The following EPS8 variants were observed in gnomAD, a reference collection of about 807,000 sequenced individuals.
The protein encoded by EPS8 is epidermal growth factor receptor kinase substrate 8.
In EPS8, 42 loss-of-function variants were observed where a neutral mutation model predicts 103.8. That is an observed-to-expected ratio of 0.40 (90% CI 0.32 to 0.52). The LOEUF (loss-of-function observed/expected upper bound fraction) is 0.52. Ranked by LOEUF, EPS8 falls within the 20% of genes least tolerant of loss-of-function variation. EPS8 has a pLI of 0.40. For synonymous variants in EPS8, 344 were observed against 344.6 expected, an observed-to-expected ratio of 1.00 and a Z score of 0.02; for missense variants, 969 against 1,005.1, an observed-to-expected ratio of 0.96 and a Z score of 0.49.
chr12:15,683,115 C>G, intron 1 of EPS8, 143 bp from the exon 2 acceptor site: 1 of 511,690 alleles, frequency 2.0e-6, no homozygotes, highest in Non-Finnish European at 3.4e-6. Flanking sequence ...CCTCAAAGAG[C>G]TCAGGCCCCA....
At chr12:15,677,270 G>A (rs1945924424) in intron 3 of EPS8, among the ~76,000 whole-genome samples, 1 of 152,082 alleles carries the variant, frequency 6.6e-6, no homozygotes, top group African/African-American at 2.4e-5. Context: ...TATAAATGAG[G>A]AAACTGGGGC....
intron 1 of EPS8, among the ~76,000 whole-genome samples, chr12:15,689,806 G>A (rs1012298139): frequency 6.6e-6 from 1 of 152,076 alleles, no homozygotes; most frequent in South Asian, 2.1e-4. Context: ...TCACTTATAC[G>A]CAGACTCTAA....
chr12:15,726,565 C>CA (rs761924127), intron 1 of EPS8, among the ~76,000 whole-genome samples: 30 of 151,896 alleles, frequency 2.0e-4, no homozygotes, highest in East Asian at 1.2e-3. Flanking sequence ...GTGGTGACAG[C>CA]AAAAAATGAA....
In EPS8 at chr12:15,706,239, G is replaced by A. The variant is rs1946385119; in HGVS notation, c.-21-23267C>T. On this transcript the variant is annotated intron_variant, in intron 1 of 20. Coordinates refer to ENST00000281172, the MANE Select transcript of EPS8 (RefSeq NM_004447.6). This position sits in a 1 kb window ranked among gnomAD's most constrained non-coding sequence, Gnocchi z 5.2. ...CGGCCTGTGCACTGGGGTGGAGCCT[G>A]AGCAAGTTTGCACCTTTGCAGAGGG... Among the ~76,000 whole-genome samples, 1 of 152,188 alleles carries A rather than the reference G, an allele frequency of 6.6e-6. No homozygotes were observed. The highest frequency in any genetic ancestry group is 1.5e-5 in the Non-Finnish European group (1 of 68,034).
At chr12:15,739,860 T>C (rs1033725772) in intron 1 of EPS8, among the ~76,000 whole-genome samples, 2 of 152,186 alleles carry the variant, frequency 1.3e-5, no homozygotes, top group African/African-American at 4.8e-5. Context: ...AGGCTACTAG[T>C]AAACAAAGCT....
At chr12:15,641,975 A>G (rs1945239294) in intron 15 of EPS8, 145 bp from the exon 16 acceptor site, 1 of 428,756 alleles carries the variant, frequency 2.3e-6, no homozygotes, top group Admixed American at 4.3e-5. Flanking sequence ...ACATTATGAT[A>G]AATAAAAGTT....
At chr12:15,705,746 G>C (rs1468553360) in intron 1 of EPS8, among the ~76,000 whole-genome samples, 1 of 152,052 alleles carries the variant, frequency 6.6e-6, no homozygotes, top group African/African-American at 2.4e-5. Flanking sequence ...ATACCCTCTT[G>C]GAAATGAGCC....
At chr12:15,629,818 T>C (rs1319044719) in intron 18 of EPS8, among the ~76,000 whole-genome samples, 1 of 152,170 alleles carries the variant, frequency 6.6e-6, no homozygotes, top group African/African-American at 2.4e-5. Flanking sequence ...TTAGTGTCTT[T>C]TTTATTTTTT....
chr12:15,651,846 A>G (rs1449018420), intron 13 of EPS8, among the ~76,000 whole-genome samples: 3 of 152,124 alleles, frequency 2.0e-5, no homozygotes, highest in East Asian at 1.9e-4. Context: ...CAGTACATTC[A>G]TTTCCTAATA....
intron 17 of EPS8, among the ~76,000 whole-genome samples, chr12:15,637,540 C>T (rs76413766): frequency 0.01 from 1,585 of 152,318 alleles, 13 homozygotes; most frequent in Middle Eastern, 0.045. Flanking sequence ...AGTGCTCAAA[C>T]AATGCCTGGC....
chr12:15,782,237 A>C (rs1947267686), intron 1 of EPS8: 1 of 152,176 alleles, frequency 6.6e-6, no homozygotes, highest in Non-Finnish European at 1.5e-5. Context: ...TCATGCCTGT[A>C]ATACCAGCAC....
rs1358832567 is a variant in EPS8, at chr12:15,658,229, G to T, written c.1027-76C>A. The T allele has an allele frequency of 4.2e-6, 4 of 948,922 alleles. No individual in the cohort carries two copies. In the African/African-American group the frequency reaches 4.9e-5, roughly 12 times the overall value. The allele number at this position is 948,922 out of a possible 1,614,324, so 58.8% of individuals were successfully genotyped here. A position where few individuals can be genotyped will look rare whatever the true frequency, so the allele number is the denominator to read the frequency against. On this transcript the variant is annotated intron_variant, in intron 11 of 20. Transcript: ENST00000281172. ...CTCAGAAAGGTCCAACATAGACACA[G>T]AGGGGACGGTCTTTACCACCAGATT...
chr12:15,685,911 A>C (rs1946088163), intron 1 of EPS8, among the ~76,000 whole-genome samples: 1 of 152,226 alleles, frequency 6.6e-6, no homozygotes, highest in African/African-American at 2.4e-5. Context: ...CTAAAAACTA[A>C]AGAGACAAAG....
intron 1 of EPS8, among the ~76,000 whole-genome samples, chr12:15,743,522 C>T (rs1946845679): frequency 6.6e-6 from 1 of 152,112 alleles, no homozygotes. Flanking sequence ...TACTACAAGG[C>T]TACAATAATC....
In EPS8 at chr12:15,781,252, G is replaced by C. The variant is rs1453802135; in HGVS notation, c.-22+7909C>G. Reference sequence around the variant, plus strand: ...GGAGCTTAAATACACAAACTTTTTCGCTATTCTTGTTTGGCACAGTAGTAA... The same window carrying C: ...GGAGCTTAAATACACAAACTTTTTCCCTATTCTTGTTTGGCACAGTAGTAA... On this transcript the variant is annotated intron_variant, in intron 1 of 20. Coordinates refer to ENST00000281172, the MANE Select transcript of EPS8 (RefSeq NM_004447.6). The surrounding 1 kb of genome is among the most constrained non-coding windows in gnomAD (Gnocchi z 4.1). 6.6e-6 allele frequency among the ~76,000 whole-genome samples: 1 copy of C among 152,080 alleles called. No individual in the cohort carries two copies. The highest frequency in any genetic ancestry group is 6.6e-5 in the Admixed American group (1 of 15,256).
rs1947234245 is a variant in EPS8, at chr12:15,779,025, TG to T, written c.-22+10135del. ...GGAGTTTCACTCTTGTTGCCCAGGC[TG>T]GAGTGCAATGGCGCCATCTTGGCTC... On this transcript the variant is annotated intron_variant, in intron 1 of 20. Transcript: ENST00000281172. This position sits in a 1 kb window ranked among gnomAD's most constrained non-coding sequence, Gnocchi z 4.3. 1.3e-5 allele frequency among the ~76,000 whole-genome samples: 2 copies of T among 152,188 alleles called. No individual in the cohort carries two copies. The highest frequency in any genetic ancestry group is 2.9e-5 in the Non-Finnish European group (2 of 68,040).
At chr12:15,676,980 T>A (rs1291426704) in intron 3 of EPS8, among the ~76,000 whole-genome samples, 1 of 152,214 alleles carries the variant, frequency 6.6e-6, no homozygotes. Flanking sequence ...TTATACCACT[T>A]ATAAAAAATA....
chr12:15,681,127 A>G (rs1172882999), intron 3 of EPS8, 99 bp downstream of exon 3: 2 of 474,932 alleles, frequency 4.2e-6, no homozygotes, highest in Admixed American at 3.1e-5. Flanking sequence ...CTCATTCCAA[A>G]CAATATTAAA....
chr12:15,637,301 G>T (rs571392342), intron 17 of EPS8, among the ~76,000 whole-genome samples: 2 of 152,236 alleles, frequency 1.3e-5, no homozygotes, highest in South Asian at 4.1e-4. Flanking sequence ...GATTACAGGC[G>T]TGAGCCATTG....
Sources: allele counts gnomAD v4.1 joint callset (sites outside exome capture counted in the v4.1 genomes callset), GRCh38; gene constraint gnomAD v4.1.1; non-coding constraint Gnocchi (gnomAD v3.1); transcripts MANE v1.5; gene names NCBI Gene and HGNC (gene_info 2026-07-23, HGNC 2026-07-21).